The following C2CD3 variants were observed in gnomAD, a reference collection of about 807,000 sequenced individuals.
C2CD3 encodes the protein C2 domain containing 3 centriole elongation regulator.
Under a neutral mutation model 234.0 loss-of-function variants are expected in C2CD3, and 148 were observed. That is an observed-to-expected ratio of 0.63 (90% CI 0.55 to 0.72). The LOEUF is 0.72. C2CD3 is among the 30% of genes least tolerant of loss of function. The pLI is 0.00. For synonymous variants in C2CD3, 1,000 were observed against 1,035.4 expected, an observed-to-expected ratio of 0.97 and a Z score of 0.66; for missense variants, 2,577 against 2,811.5, an observed-to-expected ratio of 0.92 and a Z score of 1.89.
chr11:74,098,194 A>T lies in C2CD3; in HGVS notation c.2794T>A (p.Tyr932Asn). 1 of 1,613,780 alleles carries T rather than the reference A, an allele frequency of 6.2e-7. No individual in the cohort carries two copies. Among genetic ancestry groups the T allele is most frequent in the Non-Finnish European group, 8.5e-7 (1 of 1,179,628 alleles). Residue 932 changes from tyrosine to asparagine, a missense_variant, in exon 16 of 33, where the codon TAC (tyrosine) becomes AAC (asparagine). Tyr to Asn is a moderately radical substitution (Grantham distance 143, BLOSUM62 -2). Coordinates refer to ENST00000334126, the MANE Select transcript of C2CD3 (RefSeq NM_001286577.2). Reference protein sequence around the residue: ...AQYPVVAVDSYMPVIDVFSGH... With the variant: ...AQYPVVAVDSNMPVIDVFSGH... Reference sequence around the variant, plus strand: ...GAAAACACATCAATCACAGGCATGTAGCTGTCGACAGCAACAACTGGGTAC... The same window carrying T: ...GAAAACACATCAATCACAGGCATGTTGCTGTCGACAGCAACAACTGGGTAC...
At position 74,042,133 on chromosome 11, in the gene C2CD3, C is replaced by T; in HGVS notation, c.5581G>A (p.Gly1861Arg). The T allele has an allele frequency of 5.0e-6, 8 of 1,613,806 alleles. No homozygotes were observed. Among genetic ancestry groups the T allele is most frequent in the Non-Finnish European group, 6.8e-6 (8 of 1,179,988 alleles). Residue 1861 changes from glycine to arginine, a missense_variant, in exon 29 of 33, where the codon GGA (glycine) becomes AGA (arginine). Physicochemically the swap from Gly to Arg is moderately radical, Grantham distance 125. Transcript: ENST00000334126. The part of the protein sequence containing the change: ...RRFHESLHLQ[G>R]EAPLPCDDKL... ...TCATCACATGGCAAGGGTGCCTCTC[C>T]CTGAAGATGCAGGGATTCATGAAAC...
intron 2 of C2CD3, among the ~76,000 whole-genome samples, chr11:74,165,811 T>C (rs1856767076): frequency 1.3e-5 from 2 of 152,080 alleles, no homozygotes; most frequent in Admixed American, 6.5e-5. Flanking sequence ...TGCACCACCA[T>C]GCCCAGCTAA....
At chr11:74,117,415 G>A (rs1201273924) in intron 9 of C2CD3, among the ~76,000 whole-genome samples, 4 of 123,356 alleles carry the variant, frequency 3.2e-5, no homozygotes, top group Non-Finnish European at 6.7e-5. Flanking sequence ...ACTATAAAAA[G>A]GAAATGAAAT....
intron 29 of C2CD3, among the ~76,000 whole-genome samples, chr11:74,040,801 G>A (rs977501145): frequency 3.3e-5 from 5 of 151,898 alleles, no homozygotes; most frequent in Admixed American, 6.6e-5. Flanking sequence ...GCCGGAAGCC[G>A]CAGTGGCTCA....
In C2CD3 at chr11:74,018,957, C is replaced by T. The variant is rs139175191; in HGVS notation, c.6922-5432G>A. Among the ~76,000 whole-genome samples, 359 of 152,318 alleles carry T rather than the reference C, an allele frequency of 2.4e-3. 1 individual carries two copies. Among genetic ancestry groups the T allele is most frequent in the African/African-American group, 8.2e-3 (340 of 41,568 alleles). On this transcript the variant is annotated intron_variant, in intron 32 of 32. Coordinates refer to ENST00000334126, the MANE Select transcript of C2CD3 (RefSeq NM_001286577.2). ...CTCTCCTTACTCCAAGAAGCCTTCCCGGACAGGCCCATTCTACAGGGCCTA... is the reference window on the plus strand; with the variant it reads ...CTCTCCTTACTCCAAGAAGCCTTCCTGGACAGGCCCATTCTACAGGGCCTA...
At chr11:74,094,056 T>A in intron 17 of C2CD3, 57 bp from the exon 18 acceptor site, 1 of 1,361,676 alleles carries the variant, frequency 7.3e-7, no homozygotes, top group Non-Finnish European at 1.0e-6. Flanking sequence ...TGTTTTCTTC[T>A]TCTTTCATGT....
At chr11:74,147,442 AACG>A (rs558016588) in intron 3 of C2CD3, among the ~76,000 whole-genome samples, 313 of 152,280 alleles carry the variant, frequency 2.1e-3, no homozygotes, top group African/African-American at 6.9e-3. Flanking sequence ...CGACCACAAC[AACG>A]ACAACACCCC....
Position 74,123,033 on chromosome 11 carries a change from AG to A in C2CD3, c.1319del (p.Pro440LeufsTer38). On this transcript the variant is annotated frameshift_variant, in exon 8 of 33. Transcript: ENST00000334126. LOFTEE classifies it high-confidence loss of function. ...TCTCCAGAAGACTCTGGTCATACTGAGGGTCATTCAGCTCACTGATGCAATA... is the reference window on the plus strand; with the variant it reads ...TCTCCAGAAGACTCTGGTCATACTGAGGTCATTCAGCTCACTGATGCAATA... ...DVYCISELNDPQYDQSLLENL... is the reference protein window; with the variant it reads ...DVYCISELNDXQYDQSLLENL... 6.2e-7 allele frequency: 1 copy of A among 1,613,468 alleles called. No individual in the cohort carries two copies. The highest frequency in any genetic ancestry group is 8.5e-7 in the Non-Finnish European group (1 of 1,179,386).
intron 32 of C2CD3, 85 bp downstream of exon 32, chr11:74,028,202 C>T (rs1952381725): frequency 1.0e-6 from 1 of 963,576 alleles, no homozygotes; most frequent in Non-Finnish European, 1.5e-6. Context: ...AGGAAGATGA[C>T]CTGGGGCAGC....
chr11:74,148,961 C>T (rs1045627116), intron 3 of C2CD3, among the ~76,000 whole-genome samples: 5 of 102,630 alleles, frequency 4.9e-5, no homozygotes, highest in South Asian at 3.5e-4. Context: ...TAGATTCAAA[C>T]AGTTCGATAA....
chr11:74,089,842 C>T (rs11825568), intron 20 of C2CD3, among the ~76,000 whole-genome samples: 42,929 of 152,026 alleles, frequency 0.28, 6,248 homozygotes, highest in Admixed American at 0.35. Context: ...AAACCACCAA[C>T]TCTGCCTACA....
In C2CD3 at chr11:74,134,502, G is replaced by A. The variant is rs148126362; in HGVS notation, c.956-945C>T. ...ATGAATAGTCACAGTGTTCCAGCCTGGGCAACATAGTGAGATTCTGTTTCT... is the reference window on the plus strand; with the variant it reads ...ATGAATAGTCACAGTGTTCCAGCCTAGGCAACATAGTGAGATTCTGTTTCT... On this transcript the variant is annotated intron_variant, in intron 5 of 32. Transcript: ENST00000334126. 1.4e-4 allele frequency among the ~76,000 whole-genome samples: 22 copies of A among 152,186 alleles called. No homozygotes were observed. In the East Asian group the frequency reaches 4.1e-3, roughly 28 times the overall value.
intron 22 of C2CD3, among the ~76,000 whole-genome samples, chr11:74,080,157 G>C (rs1355923751): frequency 6.6e-6 from 1 of 152,120 alleles, no homozygotes; most frequent in African/African-American, 2.4e-5. Context: ...ATTGTGGAAT[G>C]ATAATATTCA....
At position 74,117,126 on chromosome 11, in the gene C2CD3, A is replaced by T. The variant is rs866789224; in HGVS notation, c.1520+1102T>A. 1.9e-3 allele frequency among the ~76,000 whole-genome samples: 85 copies of T among 44,300 alleles called. 4 individuals are homozygous for T. Among genetic ancestry groups the T allele is most frequent in the East Asian group, 5.5e-3 (10 of 1,812 alleles). 29.1% of individuals were successfully genotyped at this position (44,300 alleles called of 152,430 possible). A position where few individuals can be genotyped will look rare whatever the true frequency, so the allele number is the denominator to read the frequency against. ...AATATATATATATGAATATATATAT[A>T]TGAATATATATATATGAATATATAT... is the stretch of plus-strand genomic sequence containing the variant. On this transcript the variant is annotated intron_variant, in intron 9 of 32. Transcript: ENST00000334126.
At chr11:74,143,957 T>C (rs1278796743) in intron 3 of C2CD3, among the ~76,000 whole-genome samples, 1 of 152,148 alleles carries the variant, frequency 6.6e-6, no homozygotes, top group African/African-American at 2.4e-5. Context: ...TTTTGGTAGT[T>C]TACAGTTTTT....
intron 29 of C2CD3, 125 bp from the exon 30 acceptor site, chr11:74,037,823 T>C: frequency 1.4e-6 from 1 of 702,118 alleles, no homozygotes; most frequent in South Asian, 1.7e-5. Flanking sequence ...TCTATTAATA[T>C]ACTAAGTCCC....
chr11:74,123,218 G>C, intron 7 of C2CD3, 83 bp from the exon 8 acceptor site: 2 of 961,364 alleles, frequency 2.1e-6, no homozygotes, highest in Non-Finnish European at 3.2e-6. Flanking sequence ...ACTTTCTGAG[G>C]TTCTAAATGT....
At chr11:74,015,540 T>C (rs1218332616) in intron 32 of C2CD3, among the ~76,000 whole-genome samples, 2 of 152,198 alleles carry the variant, frequency 1.3e-5, no homozygotes, top group African/African-American at 4.8e-5. Flanking sequence ...ATCAGTTGTA[T>C]CTTACCTTCC....
intron 5 of C2CD3, 32 bp from the exon 6 acceptor site, chr11:74,133,589 T>A: frequency 6.2e-7 from 1 of 1,611,046 alleles, no homozygotes; most frequent in South Asian, 1.1e-5. Context: ...AACAGAAAAA[T>A]CCAAAATGCA....
Sources: gnomAD v4.1 joint callset for allele counts (sites outside exome capture counted in the v4.1 genomes callset) on GRCh38, gnomAD v4.1.1 for gene constraint, MANE v1.5 for transcripts, NCBI Gene and HGNC (gene_info 2026-07-23, HGNC 2026-07-21) for gene names.